Variants in SLAIN2 observed in about 807,000 individuals in gnomAD.
SLAIN2 encodes SLAIN motif-containing protein 2.
Under a neutral mutation model 56.6 loss-of-function variants are expected in SLAIN2, and 31 were observed. The observed-to-expected ratio is 0.55, with a 90% CI of 0.41 to 0.74. The LOEUF (loss-of-function observed/expected upper bound fraction) is 0.74, where lower values mean the gene tolerates loss of function less well. SLAIN2 is among the 30% of genes least tolerant of loss of function. The pLI, the probability that SLAIN2 is intolerant of heterozygous loss-of-function variation, is 0.00. For synonymous variants in SLAIN2, 317 were observed against 284.9 expected (o/e 1.11, Z -1.13); for missense variants, 777 against 754.2 (o/e 1.03, Z -0.35).
At chr4:48,409,616 G>T (rs1462613846) in intron 6 of SLAIN2, among the ~76,000 whole-genome samples, 1 of 152,182 alleles carries the variant, frequency 6.6e-6, no homozygotes, top group Admixed American at 6.5e-5. Context: ...AGACCCGGTG[G>T]CTCACGCCTG....
chr4:48,359,201 G>A (rs1715250778), intron 1 of SLAIN2, among the ~76,000 whole-genome samples: 1 of 152,088 alleles, frequency 6.6e-6, no homozygotes, highest in African/African-American at 2.4e-5. Flanking sequence ...ATGTATAAGT[G>A]TCTGTGTTGG....
chr4:48,349,195 A>C (rs1386731915), intron 1 of SLAIN2, among the ~76,000 whole-genome samples: 1 of 152,134 alleles, frequency 6.6e-6, no homozygotes, highest in African/African-American at 2.4e-5. Context: ...TAACGCAACC[A>C]CCTTGTGCTT....
intron 6 of SLAIN2, among the ~76,000 whole-genome samples, chr4:48,397,153 C>T (rs1716420473): frequency 6.6e-6 from 1 of 152,018 alleles, no homozygotes. Flanking sequence ...CCTCACCAAG[C>T]CAGCGGGAAA....
intron 6 of SLAIN2, among the ~76,000 whole-genome samples, chr4:48,385,242 C>T (rs1716071623): frequency 2.0e-5 from 3 of 152,118 alleles, no homozygotes; most frequent in South Asian, 2.1e-4. Context: ...TAGATTTGAG[C>T]GTGTAGTCAA....
At chr4:48,381,187 G>C (rs745710072) in intron 4 of SLAIN2, among the ~76,000 whole-genome samples, 6 of 152,128 alleles carry the variant, frequency 3.9e-5, no homozygotes, top group Non-Finnish European at 8.8e-5. Context: ...TTTGTTAGAA[G>C]CTCAACCAGC....
At chr4:48,380,587 AC>A (rs1318849945) in intron 4 of SLAIN2, among the ~76,000 whole-genome samples, 1 of 152,142 alleles carries the variant, frequency 6.6e-6, no homozygotes, top group Middle Eastern at 3.2e-3. Flanking sequence ...AATTTTTAAT[AC>A]TTTTTAAAGG....
At chr4:48,383,439 G>A (rs1396696799) in intron 5 of SLAIN2, among the ~76,000 whole-genome samples, 1 of 151,486 alleles carries the variant, frequency 6.6e-6, no homozygotes, top group Non-Finnish European at 1.5e-5. Context: ...AAAATTTGTG[G>A]TTATCTTTAA....
intron 1 of SLAIN2, among the ~76,000 whole-genome samples, chr4:48,352,113 TGC>T (rs1491407655): frequency 0.28 from 43,181 of 151,918 alleles, 6,404 homozygotes; most frequent in South Asian, 0.48. Flanking sequence ...AATATTGGAA[TGC>T]TTTTAACAAA....
At position 48,341,840 on chromosome 4, in the gene SLAIN2, G is replaced by A. The variant is rs753471778; in HGVS notation, c.101G>A (p.Arg34His). Reference protein sequence around the residue: ...LEKQNEQLRSRSGAVQGAGSL... With the variant: ...LEKQNEQLRSHSGAVQGAGSL... ...AAGCAGAACGAACAGCTGAGGAGCC[G>A]CTCGGGGGCCGTGCAGGGCGCCGGC... Residue 34 changes from arginine (R) to histidine (H), a missense_variant, in exon 1 of 8, where the codon CGC (arginine) becomes CAC (histidine). Arg to His is a conservative substitution (Grantham distance 29). Transcript: ENST00000264313. The A allele has an allele frequency of 2.0e-6, 3 of 1,526,138 alleles. No individual in the cohort carries two copies. The highest frequency in any genetic ancestry group is 1.2e-5 in the South Asian group (1 of 81,892). 94.5% of individuals were successfully genotyped at this position (1,526,138 alleles called of 1,614,324 possible).
In SLAIN2 at chr4:48,369,922, G is replaced by A; in HGVS notation, c.463G>A (p.Val155Ile). 6.2e-7 allele frequency: 1 copy of A among 1,613,748 alleles called. No individual in the cohort carries two copies. The highest frequency in any genetic ancestry group is 8.5e-7 in the Non-Finnish European group (1 of 1,179,714). Residue 155 changes from valine to isoleucine, a missense_variant, in exon 2 of 8, where the codon GTT becomes ATT. Transcript: ENST00000264313. The stretch of plus-strand genomic sequence containing the variant: ...TAGTCCATTAGTTTGGTGCAGGCAA[G>A]TTTTGGATTACCCAAGTCCTGATGT... Reference protein sequence around the residue: ...SVSPLVWCRQVLDYPSPDVEC... With the variant: ...SVSPLVWCRQILDYPSPDVEC...
chr4:48,410,939 A>G (rs971537973), intron 6 of SLAIN2, among the ~76,000 whole-genome samples: 1 of 152,172 alleles, frequency 6.6e-6, no homozygotes, highest in African/African-American at 2.4e-5. Flanking sequence ...GAAGCCCTAT[A>G]GCAGAAACAG....
intron 1 of SLAIN2, among the ~76,000 whole-genome samples, chr4:48,343,911 A>G (rs1714794135): frequency 6.6e-6 from 1 of 152,206 alleles, no homozygotes; most frequent in East Asian, 1.9e-4. Context: ...AAGAACCCAG[A>G]ATCTTGTAAA....
chr4:48,421,713 A>T (rs16861286), intron 7 of SLAIN2, among the ~76,000 whole-genome samples: 1 of 151,704 alleles, frequency 6.6e-6, no homozygotes, highest in Non-Finnish European at 1.5e-5. Context: ...AATAATAAGT[A>T]AATGATAAGG....
chr4:48,389,671 T>C (rs576265483), intron 6 of SLAIN2, among the ~76,000 whole-genome samples: 28 of 152,250 alleles, frequency 1.8e-4, no homozygotes, highest in South Asian at 4.1e-4. Flanking sequence ...AAAGGAGATA[T>C]AGGTTTTCCC....
intron 6 of SLAIN2, among the ~76,000 whole-genome samples, chr4:48,395,698 G>T (rs1162635893): frequency 6.6e-6 from 1 of 151,796 alleles, no homozygotes; most frequent in Non-Finnish European, 1.5e-5. Flanking sequence ...TTGGTGCCAT[G>T]GTCAGGTATG....
chr4:48,408,043 ACAGAGTTT>A (rs1716745154), intron 6 of SLAIN2, among the ~76,000 whole-genome samples: 1 of 152,160 alleles, frequency 6.6e-6, no homozygotes, highest in Non-Finnish European at 1.5e-5. Context: ...TTGCTGCATA[ACAGAGTTT>A]CAGGGCCAGG....
chr4:48,398,577 G>A (rs1165555208), intron 6 of SLAIN2, among the ~76,000 whole-genome samples: 9 of 152,160 alleles, frequency 5.9e-5, no homozygotes, highest in Non-Finnish European at 1.0e-4. Flanking sequence ...GCCCATGCCT[G>A]TGTCCTGAAT....
intron 1 of SLAIN2, among the ~76,000 whole-genome samples, chr4:48,350,784 A>G (rs1486507445): frequency 6.6e-6 from 1 of 152,238 alleles, no homozygotes; most frequent in East Asian, 1.9e-4. Context: ...ATTGCAGAAC[A>G]GTTTACTTTG....
intron 1 of SLAIN2, among the ~76,000 whole-genome samples, chr4:48,357,260 A>G (rs1715182767): frequency 6.6e-6 from 1 of 152,046 alleles, no homozygotes; most frequent in South Asian, 2.1e-4. Flanking sequence ...CTTCAACTTA[A>G]TTGTGATTTT....
Sources: gnomAD v4.1 joint callset for allele counts (sites outside exome capture counted in the v4.1 genomes callset) on GRCh38, gnomAD v4.1.1 for gene constraint, MANE v1.5 for transcripts, NCBI Gene and HGNC (gene_info 2026-07-23, HGNC 2026-07-21) for gene names.